CCDC30: variants seen among roughly 807,000 people sequenced by gnomAD.
CCDC30 encodes the protein coiled-coil domain containing 30.
A neutral mutation model predicts 100.2 loss-of-function variants in CCDC30; 70 were observed. That is an observed-to-expected ratio of 0.70 (90% CI 0.58 to 0.85). The LOEUF (loss-of-function observed/expected upper bound fraction) is 0.85. Among genes scored for constraint, CCDC30 ranks in the 40% least tolerant of loss-of-function variants. The pLI is 0.00. For missense variants in CCDC30, 652 were observed against 771.2 expected (o/e 0.85, Z 1.83); for synonymous variants, 233 against 269.5 (o/e 0.86, Z 1.33).
In CCDC30 at chr1:42,653,595, T is replaced by G. The variant is rs541813893; in HGVS notation, c.1922+152T>G. ...TTTCTCTACATGAATTATTTGAATC[T>G]TCTTCCAATTCCTCCCCTTGCCACT... On this transcript the variant is annotated intron_variant, in intron 16 of 16. Coordinates refer to ENST00000668663, the Ensembl canonical transcript of CCDC30. 34 of 645,094 alleles carry G rather than the reference T, an allele frequency of 5.3e-5. 1 individual carries two copies. Among genetic ancestry groups the G allele is most frequent in the African/African-American group, 3.1e-4 (17 of 54,524 alleles). 40.0% of individuals were successfully genotyped at this position (645,094 alleles called of 1,614,324 possible).
intron 7 of CCDC30, among the ~76,000 whole-genome samples, chr1:42,573,832 A>C (rs929487514): frequency 6.6e-6 from 1 of 152,138 alleles, no homozygotes; most frequent in Non-Finnish European, 1.5e-5. Flanking sequence ...TGACAAATAC[A>C]TGTTGAATTT....
At chr1:42,652,882 A>G (rs11210690) in intron 15 of CCDC30, among the ~76,000 whole-genome samples, 2,496 of 152,278 alleles carry the variant, frequency 0.016, 74 homozygotes, top group African/African-American at 0.057. Context: ...TGGGGGAGGA[A>G]TAAATGGGGA....
At chr1:42,604,392 C>G (rs1367202569) in intron 10 of CCDC30, among the ~76,000 whole-genome samples, 1 of 152,158 alleles carries the variant, frequency 6.6e-6, no homozygotes, top group Non-Finnish European at 1.5e-5. Flanking sequence ...CATCAATAGC[C>G]CTCACTCCTC....
chr1:42,643,965 A>G (rs1465823863), intron 13 of CCDC30, among the ~76,000 whole-genome samples: 1 of 152,124 alleles, frequency 6.6e-6, no homozygotes, highest in Non-Finnish European at 1.5e-5. Context: ...CCCACCCTAA[A>G]TGGGATCATA....
chr1:42,603,792 T>G (rs76083995), intron 10 of CCDC30, among the ~76,000 whole-genome samples: 15 of 152,050 alleles, frequency 9.9e-5, no homozygotes, highest in Non-Finnish European at 1.5e-4. Context: ...CCCAAAGGAG[T>G]TGAAAAAGTT....
chr1:42,461,639 C>T (rs958413401), upstream of CCDC30, among the ~76,000 whole-genome samples: 7 of 151,810 alleles, frequency 4.6e-5, no homozygotes, highest in East Asian at 1.9e-4. Context: ...CTCTGCCTCC[C>T]GGGTTCACAC....
chr1:42,605,625 T>C (rs1646486856), intron 10 of CCDC30, among the ~76,000 whole-genome samples: 1 of 152,112 alleles, frequency 6.6e-6, no homozygotes, highest in Non-Finnish European at 1.5e-5. Flanking sequence ...ACTACAGGCA[T>C]ATGCAACCAT....
chr1:42,480,635 T>C (rs1643942132), intron 2 of CCDC30, 69 bp downstream of exon 2: 2 of 984,658 alleles, frequency 2.0e-6, no homozygotes, highest in Non-Finnish European at 2.4e-6. Context: ...GTTTCATTTA[T>C]ATATTGAATT....
chr1:42,549,748 C>T lies in CCDC30; in HGVS notation c.457-16548C>T, dbSNP rs117108529. 1.6e-3 allele frequency among the ~76,000 whole-genome samples: 246 copies of T among 152,236 alleles called. 4 individuals carry two copies. In the East Asian group the frequency reaches 0.017, roughly 11 times the overall value. On this transcript the variant is annotated intron_variant, in intron 6 of 16. Coordinates refer to ENST00000668663, the Ensembl canonical transcript of CCDC30. ...ACTGTGTACAATGGGTATACAATTG[C>T]ACTATCTTGCAACTGAATCCGAAGT...
At chr1:42,644,360 T>C (rs1408018673) in intron 13 of CCDC30, among the ~76,000 whole-genome samples, 1 of 152,156 alleles carries the variant, frequency 6.6e-6, no homozygotes, top group Admixed American at 6.5e-5. Context: ...CTGCCTGCTT[T>C]ATATTCACTG....
chr1:42,650,692 T>C (rs1454985212), intron 15 of CCDC30, among the ~76,000 whole-genome samples: 2 of 151,806 alleles, frequency 1.3e-5, no homozygotes, highest in Admixed American at 6.6e-5. Flanking sequence ...GCAGTGGCAA[T>C]CACAGCTCAC....
chr1:42,647,864 AT>A (rs1196447437), intron 15 of CCDC30, among the ~76,000 whole-genome samples: 1 of 152,246 alleles, frequency 6.6e-6, no homozygotes, highest in Non-Finnish European at 1.5e-5. Flanking sequence ...ATTTTAAAAT[AT>A]CTTGAAACAA....
intron 2 of CCDC30, 150 bp downstream of exon 2, chr1:42,480,716 T>TA (rs1643942838): frequency 1.4e-6 from 1 of 692,310 alleles, no homozygotes; most frequent in Non-Finnish European, 1.8e-6. Flanking sequence ...TGTAACAGTC[T>TA]AAAAAAACTG....
At chr1:42,482,047 T>G (rs2148455991) in intron 2 of CCDC30, among the ~76,000 whole-genome samples, 1 of 152,020 alleles carries the variant, frequency 6.6e-6, no homozygotes, top group South Asian at 2.1e-4. Context: ...TGACATCCCA[T>G]CTCTACTAAA....
intron 3 of CCDC30, among the ~76,000 whole-genome samples, chr1:42,483,977 A>T (rs927096156): frequency 1.3e-5 from 2 of 152,042 alleles, no homozygotes; most frequent in Admixed American, 1.3e-4. Flanking sequence ...TAGTATAAAA[A>T]TTTTAAATTA....
chr1:42,622,100 C>T (rs12743278), intron 11 of CCDC30, among the ~76,000 whole-genome samples: 1 of 152,174 alleles, frequency 6.6e-6, no homozygotes, highest in Non-Finnish European at 1.5e-5. Context: ...CTACTCTTCC[C>T]AGTCTCTGGT....
chr1:42,653,374 A>G lies in CCDC30; in HGVS notation c.1855-2A>G. On this transcript the variant is annotated splice_acceptor_variant, in intron 15 of 16. Transcript: ENST00000668663. LOFTEE classifies it high-confidence loss of function. ...TCACATTCATCCTTTCTTTCCTTTT[A>G]GGAAACAACAATTAGTGACATCCTT... 1 of 1,588,940 alleles carries G rather than the reference A, an allele frequency of 6.3e-7. No homozygotes were observed. The highest frequency in any genetic ancestry group is 8.6e-7 in the Non-Finnish European group (1 of 1,161,038).
At chr1:42,653,419 A>C in exon 16 of CCDC30, 1 of 1,606,150 alleles carries the variant, frequency 6.2e-7, no homozygotes, top group Non-Finnish European at 8.5e-7. Flanking sequence ...GTAGTGAATG[A>C]AATATTGCCT....
At chr1:42,531,198 T>C (rs1644800354) in intron 6 of CCDC30, among the ~76,000 whole-genome samples, 1 of 152,134 alleles carries the variant, frequency 6.6e-6, no homozygotes, top group Non-Finnish European at 1.5e-5. Context: ...ACCCTCTCTC[T>C]CTTCCTCCTG....
Sources: allele counts gnomAD v4.1 joint callset (sites outside exome capture counted in the v4.1 genomes callset), GRCh38; gene constraint gnomAD v4.1.1; transcripts MANE v1.5; gene names NCBI Gene and HGNC (gene_info 2026-07-23, HGNC 2026-07-21).